Variants in MCM6 observed in about 807,000 individuals in gnomAD.
MCM6 encodes minichromosome maintenance complex component 6, also known as DNA replication licensing factor MCM6.
MCM6 carries 46 observed loss-of-function variants against 94.3 expected under a neutral mutation model. The observed-to-expected ratio is 0.49, with a 90% CI of 0.39 to 0.62. The LOEUF (loss-of-function observed/expected upper bound fraction) is 0.62. MCM6 is among the 20% of genes least tolerant of loss of function. The pLI, the probability that MCM6 is intolerant of heterozygous loss-of-function variation, is 0.00. For synonymous variants in MCM6, 335 were observed against 351.9 expected (o/e 0.95, Z 0.54); for missense variants, 865 against 1,017.9 (o/e 0.85, Z 2.04).
rs114754434 is a variant in MCM6, at chr2:135,847,523, T to A, written c.2053+530A>T. ...AAGGGTAAAACCCAGGGGATTTATG[T>A]CTATTATCACCATTTTGCTGCCTTT... On this transcript the variant is annotated intron_variant, in intron 14 of 16. Coordinates refer to ENST00000264156, the MANE Select transcript of MCM6 (RefSeq NM_005915.6). Among the ~76,000 whole-genome samples, 1,459 of 152,314 alleles carry A rather than the reference T, an allele frequency of 9.6e-3. 18 individuals carry two copies. Among genetic ancestry groups the A allele is most frequent in the African/African-American group, 0.032 (1,312 of 41,568 alleles).
chr2:135,861,073 T>A (rs1679982865), intron 8 of MCM6, among the ~76,000 whole-genome samples: 1 of 152,004 alleles, frequency 6.6e-6, no homozygotes, highest in South Asian at 2.1e-4. Flanking sequence ...AAAAAAAGAA[T>A]CCTTTGTAAC....
At chr2:135,865,555 T>TTCATCATTCTCAGA (rs4988175) in intron 6 of MCM6, among the ~76,000 whole-genome samples, 2,785 of 152,230 alleles carry the variant, frequency 0.018, 99 homozygotes, top group African/African-American at 0.064. Context: ...CTGCCAGGGG[T>TTCATCATTCTCAGA]TCATCATTCT....
rs1184461832 is a variant in MCM6 at position 135,866,276 on chromosome 2, T to C, written c.783A>G (p.Gly261=). 6.2e-7 allele frequency: 1 copy of C among 1,613,982 alleles called. No individual in the cohort carries two copies. Among genetic ancestry groups the C allele is most frequent in the South Asian group, 1.1e-5 (1 of 91,054 alleles). ...VPDVSKLSTP[G]ARAETNSRVS... ...CACGGGAATTAGTTTCTGCACGTGC[T>C]CCTGAAACAGAATGATAGGTTGTTT... is the stretch of plus-strand genomic sequence containing the variant. The change falls in exon 6 of 17, where the codon GGA becomes GGG. Residue 261 remains glycine (G), a splice_region_variant and synonymous_variant. Coordinates refer to ENST00000264156, the MANE Select transcript of MCM6 (RefSeq NM_005915.6).
chr2:135,842,799 G>A (rs1408783625), intron 16 of MCM6, among the ~76,000 whole-genome samples: 2 of 152,126 alleles, frequency 1.3e-5, no homozygotes, highest in Non-Finnish European at 2.9e-5. Context: ...GTGTCACTGG[G>A]GTGAAATGGG....
intron 7 of MCM6, 26 bp from the exon 8 acceptor site, chr2:135,862,774 A>G: frequency 6.2e-7 from 1 of 1,609,264 alleles, no homozygotes; most frequent in Non-Finnish European, 8.5e-7. Flanking sequence ...GCTACAGATG[A>G]AAAACTAATT....
chr2:135,864,288 G>T (rs4988186), intron 7 of MCM6, among the ~76,000 whole-genome samples: 10,011 of 152,138 alleles, frequency 0.066, 605 homozygotes, highest in African/African-American at 0.16. Context: ...ACTGCCAAAG[G>T]TATAGACAGA....
rs141485001 is a variant in MCM6 at position 135,859,439 on chromosome 2, G to A, written c.1224C>T (p.His408=). 246 of 1,607,582 alleles carry A rather than the reference G, an allele frequency of 1.5e-4. No homozygotes were observed. The African/African-American group carries it at 2.1e-3, about 14-fold the overall frequency. ...CAGCTCTGGGGCTGAACTCCTCCAC[G>A]TGCCTGTTCAAGGTTATCACATAAA... The part of the protein sequence containing the change: ...PSTAKSQFLK[H]VEEFSPRAVY... Residue 408 remains histidine, a synonymous_variant, in exon 9 of 17, where the codon CAC becomes CAT. Coordinates refer to ENST00000264156, the MANE Select transcript of MCM6 (RefSeq NM_005915.6).
At chr2:135,849,939 G>A (rs1679742848) in intron 13 of MCM6, among the ~76,000 whole-genome samples, 1 of 152,018 alleles carries the variant, frequency 6.6e-6, no homozygotes, top group Non-Finnish European at 1.5e-5. Flanking sequence ...ATTTCATTCA[G>A]AAAATATATT....
At chr2:135,854,804 CTGAGG>C (rs1679842739) in intron 11 of MCM6, among the ~76,000 whole-genome samples, 1 of 151,924 alleles carries the variant, frequency 6.6e-6, no homozygotes, top group Non-Finnish European at 1.5e-5. Flanking sequence ...GCCCAGGAGG[CTGAGG>C]CTGCAGTGAG....
At chr2:135,858,356 G>A (rs778990568) in intron 9 of MCM6, among the ~76,000 whole-genome samples, 1 of 152,078 alleles carries the variant, frequency 6.6e-6, no homozygotes, top group Non-Finnish European at 1.5e-5. Flanking sequence ...GTGTGGTGGT[G>A]TGCACCTGTA....
intron 6 of MCM6, among the ~76,000 whole-genome samples, chr2:135,865,885 T>C (rs1040277199): frequency 1.3e-5 from 2 of 152,176 alleles, no homozygotes; most frequent in Non-Finnish European, 2.9e-5. Flanking sequence ...GCTGTCACTC[T>C]ACTAAGACTC....
chr2:135,843,308 C>T (rs1052846764), intron 16 of MCM6, among the ~76,000 whole-genome samples: 2 of 152,172 alleles, frequency 1.3e-5, no homozygotes, highest in African/African-American at 4.8e-5. Context: ...CAGCTCTATA[C>T]ATCTGGAGTT....
chr2:135,870,726 G>T (rs1166854447), intron 2 of MCM6, among the ~76,000 whole-genome samples: 1 of 152,180 alleles, frequency 6.6e-6, no homozygotes, highest in Non-Finnish European at 1.5e-5. Context: ...GACTTAGTAA[G>T]TCATGTGTCA....
rs1679902604 is a variant in MCM6 at position 135,856,962 on chromosome 2, C to T, written c.1471-79G>A. 3.1e-6 allele frequency: 4 copies of T among 1,294,660 alleles called. No individual in the cohort carries two copies. The Admixed American group carries it at 1.0e-4, about 33-fold the overall frequency. The allele number at this position is 1,294,660 out of a possible 1,614,324, so 80.2% of individuals were successfully genotyped here. A position where few individuals can be genotyped will look rare whatever the true frequency, so the allele number is the denominator to read the frequency against. On this transcript the variant is annotated intron_variant, in intron 10 of 16. Coordinates refer to ENST00000264156, the MANE Select transcript of MCM6 (RefSeq NM_005915.6). ...TATATAACAACATGTTCAATCTCAC[C>T]CATAATTAACTAAACACAAACCAAA...
intron 16 of MCM6, among the ~76,000 whole-genome samples, chr2:135,842,732 T>C (rs1312349949): frequency 1.3e-5 from 2 of 152,194 alleles, no homozygotes; most frequent in South Asian, 2.1e-4. Flanking sequence ...TCTAGGGAAA[T>C]GGACAAAGGG....
chr2:135,863,544 G>C (rs917759469), intron 7 of MCM6, among the ~76,000 whole-genome samples: 1 of 151,914 alleles, frequency 6.6e-6, no homozygotes, highest in African/African-American at 2.4e-5. Context: ...CAGGCAACAC[G>C]GTAAAACCCC....
chr2:135,854,210 C>T (rs961447124), intron 11 of MCM6, among the ~76,000 whole-genome samples: 4 of 146,498 alleles, frequency 2.7e-5, no homozygotes, highest in Non-Finnish European at 4.5e-5. Flanking sequence ...CTGGGCAATA[C>T]AGCCAGACCC....
intron 13 of MCM6, among the ~76,000 whole-genome samples, chr2:135,850,329 G>A (rs1328338160): frequency 6.6e-6 from 1 of 151,916 alleles, no homozygotes; most frequent in Admixed American, 6.6e-5. Context: ...AGGTTCGGGG[G>A]TACACATGCA....
chr2:135,873,187 A>G (rs680428), intron 1 of MCM6, among the ~76,000 whole-genome samples: 76,157 of 152,070 alleles, frequency 0.5, 23,202 homozygotes, highest in Non-Finnish European at 0.7. Context: ...GCCTGATGCC[A>G]TCCACGTAAG....
Sources: gnomAD v4.1 joint callset for allele counts (sites outside exome capture counted in the v4.1 genomes callset) on GRCh38, gnomAD v4.1.1 for gene constraint, MANE v1.5 for transcripts, NCBI Gene and HGNC (gene_info 2026-07-23, HGNC 2026-07-21) for gene names.